The following LARGE1 variants were observed in gnomAD, a reference collection of about 807,000 sequenced individuals.
LARGE1 encodes xylosyl- and glucuronyltransferase LARGE1.
LARGE1 carries 43 observed loss-of-function variants against 87.6 expected under a neutral mutation model. That is an observed-to-expected ratio of 0.49 (90% CI 0.38 to 0.63). LARGE1 has a LOEUF of 0.63. Ranked by LOEUF, LARGE1 falls within the 30% of genes least tolerant of loss-of-function variation. The probability of loss-of-function intolerance (pLI) is 0.00; values close to 1 mark genes in which losing one functional copy is unlikely to be tolerated. For missense variants in LARGE1, 802 were observed against 1,000.2 expected, an observed-to-expected ratio of 0.80 and a Z score of 2.67; for synonymous variants, 434 against 394.6, an observed-to-expected ratio of 1.10 and a Z score of -1.18.
At chr22:33,832,714 C>G (rs1406599389) in intron 1 of LARGE1, among the ~76,000 whole-genome samples, 9 of 152,220 alleles carry the variant, frequency 5.9e-5, no homozygotes, top group African/African-American at 2.2e-4. Flanking sequence ...AAAAAGATAT[C>G]TTCCCTGGGA....
intron 6 of LARGE1, among the ~76,000 whole-genome samples, chr22:33,467,123 T>C (rs1219523311): frequency 1.3e-5 from 2 of 152,204 alleles, no homozygotes; most frequent in African/African-American, 2.4e-5. Flanking sequence ...GTGTCTTCCA[T>C]TTTTCCAGAG....
intron 2 of LARGE1, among the ~76,000 whole-genome samples, chr22:33,688,680 A>T (rs2082011929): frequency 6.6e-6 from 1 of 152,074 alleles, no homozygotes; most frequent in African/African-American, 2.4e-5. Flanking sequence ...GACTTCCAAA[A>T]GTCATGCACC....
rs71320987 is a variant in LARGE1 at position 33,675,292 on chromosome 22, CAAAAAAAAAA to C, written c.107-24634_107-24625del. Among the ~76,000 whole-genome samples, 23 of 32,918 alleles carry C rather than the reference CAAAAAAAAAA, an allele frequency of 7.0e-4. 1 individual carries two copies. Among genetic ancestry groups the C allele is most frequent in the Admixed American group, 1.8e-3 (3 of 1,660 alleles). The allele number at this position is 32,918 out of a possible 152,430, so 21.6% of individuals were successfully genotyped here. On this transcript the variant is annotated intron_variant, in intron 2 of 14. Transcript: ENST00000397394. ...CTGGGCAACAAGAGCGAAACTCCATCAAAAAAAAAAAAAAAAAAAAAAAAAAGAACACAAG... is the reference window on the plus strand; with the variant it reads ...CTGGGCAACAAGAGCGAAACTCCATCAAAAAAAAAAAAAAAAGAACACAAG...
intron 2 of LARGE1, among the ~76,000 whole-genome samples, chr22:33,749,867 T>C (rs944379329): frequency 1.3e-5 from 2 of 152,188 alleles, no homozygotes; most frequent in African/African-American, 4.8e-5. Context: ...CATCTACCAG[T>C]TGTTTCTATA....
chr22:33,892,296 G>A (rs2065026114), intron 1 of LARGE1, among the ~76,000 whole-genome samples: 1 of 152,114 alleles, frequency 6.6e-6, no homozygotes, highest in Non-Finnish European at 1.5e-5. Context: ...CCATGAATTG[G>A]CTGCGTGGCT....
At chr22:33,862,573 C>A (rs1362628381) in intron 1 of LARGE1, among the ~76,000 whole-genome samples, 9 of 152,146 alleles carry the variant, frequency 5.9e-5, no homozygotes, top group Admixed American at 5.2e-4. Flanking sequence ...ACCGCCAGGG[C>A]CGAATCACCA....
chr22:33,427,214 G>A (rs187366036), intron 7 of LARGE1, among the ~76,000 whole-genome samples: 14 of 152,280 alleles, frequency 9.2e-5, no homozygotes, highest in Admixed American at 7.2e-4. Context: ...TGGGCAGAGC[G>A]GTTGGAAACT....
At chr22:33,084,914 A>G in the LARGE1 span, among the ~76,000 whole-genome samples, 1 of 152,222 alleles carries the variant, frequency 6.6e-6, no homozygotes, top group African/African-American at 2.4e-5. Flanking sequence ...AGCACATCTT[A>G]ATTTATAAGC....
At chr22:33,359,725 G>A (rs1347257032) in intron 9 of LARGE1, among the ~76,000 whole-genome samples, 1 of 148,776 alleles carries the variant, frequency 6.7e-6, no homozygotes, top group East Asian at 1.9e-4. Flanking sequence ...CACCACGCCC[G>A]GCTAATTTTT....
the LARGE1 span, among the ~76,000 whole-genome samples, chr22:33,112,526 C>A: frequency 2.0e-5 from 3 of 152,192 alleles, no homozygotes; most frequent in Admixed American, 1.3e-4. Context: ...GCATTCGGGG[C>A]ATGCTGCTTA....
At chr22:33,707,039 A>C (rs1230537800) in intron 2 of LARGE1, among the ~76,000 whole-genome samples, 2 of 152,270 alleles carry the variant, frequency 1.3e-5, no homozygotes, top group Non-Finnish European at 2.9e-5. Flanking sequence ...GTCACCAGAA[A>C]GCAGCCTGAA....
chr22:33,134,714 A>G, the LARGE1 span, among the ~76,000 whole-genome samples: 1 of 151,954 alleles, frequency 6.6e-6, no homozygotes, highest in Admixed American at 6.5e-5. Context: ...TAAGAAGTCT[A>G]TTTCTTTTGC....
intron 3 of LARGE1, among the ~76,000 whole-genome samples, chr22:33,648,225 G>A (rs2080680173): frequency 6.6e-6 from 1 of 152,182 alleles, no homozygotes; most frequent in East Asian, 1.9e-4. Flanking sequence ...TTGTACAGGG[G>A]ACTCCCAAAT....
intron 2 of LARGE1, among the ~76,000 whole-genome samples, chr22:33,743,677 C>T (rs1365335072): frequency 6.6e-6 from 1 of 152,196 alleles, no homozygotes; most frequent in African/African-American, 2.4e-5. Flanking sequence ...TATTGCTCTT[C>T]GATCTGACCT....
the LARGE1 span, among the ~76,000 whole-genome samples, chr22:33,115,660 A>T: frequency 8.0e-5 from 12 of 149,988 alleles, no homozygotes; most frequent in Admixed American, 2.0e-4. Context: ...TACTAAAAAT[A>T]AAAAAAAATT....
intron 1 of LARGE1, among the ~76,000 whole-genome samples, chr22:33,893,064 A>G (rs1423014881): frequency 1.3e-5 from 2 of 152,268 alleles, no homozygotes; most frequent in African/African-American, 4.8e-5. Context: ...CAGCAGAAGC[A>G]CATTAAATTC....
the LARGE1 span, among the ~76,000 whole-genome samples, chr22:33,119,761 A>C: frequency 2.6e-5 from 4 of 152,006 alleles, no homozygotes; most frequent in African/African-American, 9.7e-5. Context: ...CTGCCCACTT[A>C]ATTTTTTCAA....
At chr22:33,416,219 T>C (rs550102720) in intron 7 of LARGE1, among the ~76,000 whole-genome samples, 7 of 152,272 alleles carry the variant, frequency 4.6e-5, no homozygotes, top group Non-Finnish European at 5.9e-5. Flanking sequence ...TCCTCCTACA[T>C]TGGGCACATA....
At chr22:33,861,918 G>A (rs1226744752) in intron 1 of LARGE1, among the ~76,000 whole-genome samples, 5 of 146,400 alleles carry the variant, frequency 3.4e-5, no homozygotes, top group African/African-American at 1.3e-4. Context: ...GGCTGGAGTG[G>A]CATGATCTCA....
Sources: gnomAD v4.1 joint callset for allele counts (sites outside exome capture counted in the v4.1 genomes callset) on GRCh38, gnomAD v4.1.1 for gene constraint, MANE v1.5 for transcripts, NCBI Gene and HGNC (gene_info 2026-07-23, HGNC 2026-07-21) for gene names.